The following P2RY10 variants were observed in gnomAD, a reference collection of about 807,000 sequenced individuals.
P2RY10 encodes P2Y receptor family member 10.
Under a neutral mutation model 12.1 loss-of-function variants are expected in P2RY10, and 4 were observed. The ratio of observed to expected loss-of-function variants is 0.33; its 90% confidence interval spans 0.16 to 0.76. P2RY10 has a LOEUF of 0.76. Among genes scored for constraint, P2RY10 ranks in the 30% least tolerant of loss-of-function variants. The pLI is 0.61. For missense variants in P2RY10, 233 were observed against 264.6 expected (o/e 0.88, Z 0.83); for synonymous variants, 112 against 94.1 (o/e 1.19, Z -1.10).
At chrX:78,957,885 G>C (rs1387235956) in intron 3 of P2RY10, among the ~76,000 whole-genome samples, 4 of 112,480 alleles carry the variant, frequency 3.6e-5, no homozygotes, top group Non-Finnish European at 5.6e-5. Context: ...TGCCCATTTT[G>C]TAAGTGAAAC....
At chrX:78,952,015 G>A (rs1246042460) in intron 2 of P2RY10, among the ~76,000 whole-genome samples, 178 bp from the exon 3 acceptor site, 2 of 111,951 alleles carry the variant, frequency 1.8e-5, no homozygotes, top group Non-Finnish European at 3.8e-5. Context: ...AACATGTGGT[G>A]TTTGGTTTTC....
chrX:78,961,355 G>A lies in P2RY10; in HGVS notation c.835G>A (p.Val279Ile), dbSNP rs758623193. The change falls in exon 4 of 4, where the codon GTT becomes ATT. Residue 279 changes from valine to isoleucine, a missense_variant. Coordinates refer to ENST00000171757, the MANE Select transcript of P2RY10 (RefSeq NM_014499.4). ...VKETIISSCP[V>I]VRIALYFHPF... The stretch of plus-strand genomic sequence containing the variant: ...GGAAACCATCATTAGCAGTTGTCCC[G>A]TTGTCCGAATCGCACTGTATTTCCA... The A allele has an allele frequency of 5.8e-6, 7 of 1,209,011 alleles. No individual in the cohort carries two copies. Among genetic ancestry groups the A allele is most frequent in the Admixed American group, 4.4e-5 (2 of 45,652 alleles).
At chrX:78,949,599 A>C (rs1417885896) in intron 2 of P2RY10, among the ~76,000 whole-genome samples, 1 of 112,448 alleles carries the variant, frequency 8.9e-6, no homozygotes. Context: ...TAAATGATTG[A>C]AAGTCCAATA....
intron 3 of P2RY10, among the ~76,000 whole-genome samples, chrX:78,959,691 G>A (rs1254647765): frequency 9.0e-6 from 1 of 111,718 alleles, no homozygotes; most frequent in East Asian, 2.8e-4. Flanking sequence ...GTGCCCACAA[G>A]CATTGCTAGT....
At chrX:78,945,583 G>A (rs966179479) in intron 1 of P2RY10, 88 bp downstream of exon 1, 5 of 111,889 alleles carry the variant, frequency 4.5e-5, no homozygotes, top group African/African-American at 1.6e-4. Flanking sequence ...GTGGATGTGG[G>A]GCCAGTGTCT....
intron 2 of P2RY10, among the ~76,000 whole-genome samples, chrX:78,950,951 A>G (rs1013358810): frequency 8.9e-6 from 1 of 112,047 alleles, no homozygotes; most frequent in Admixed American, 9.5e-5. Flanking sequence ...TCTTACAAAG[A>G]TTAGAGGTAA....
chrX:78,948,559 C>T (rs749359381), intron 2 of P2RY10, among the ~76,000 whole-genome samples: 168 of 111,242 alleles, frequency 1.5e-3, no homozygotes, highest in African/African-American at 5.2e-3. Flanking sequence ...TTAGTGCACC[C>T]ACCACCTCAG....
chrX:78,958,736 A>C (rs1359714374), intron 3 of P2RY10, among the ~76,000 whole-genome samples: 1 of 111,848 alleles, frequency 8.9e-6, no homozygotes, highest in African/African-American at 3.3e-5. Context: ...AGTCCCTTCC[A>C]CCCTCCATTC....
Position 78,963,707 on chromosome X carries a change from T to A in P2RY10, c.*2167T>A, listed in dbSNP as rs1170767554. Reference sequence around the variant, plus strand: ...GGTGAGAGAGAAAAACATAAAAATATAAAAACATTCAAGCAATCGACTATT... The same window carrying A: ...GGTGAGAGAGAAAAACATAAAAATAAAAAAACATTCAAGCAATCGACTATT... On this transcript the variant is annotated 3_prime_UTR_variant, in exon 4 of 4. Transcript: ENST00000171757. 2.7e-5 allele frequency among the ~76,000 whole-genome samples: 3 copies of A among 112,290 alleles called. No individual in the cohort carries two copies. Among genetic ancestry groups the A allele is most frequent in the Admixed American group, 1.9e-4 (2 of 10,603 alleles).
At position 78,947,877 on chromosome X, in the gene P2RY10, CT is replaced by C. The variant is rs769986807; in HGVS notation, c.-157+20del. 1.2e-5 allele frequency: 8 copies of C among 663,248 alleles called. No homozygotes were observed. Among genetic ancestry groups the C allele is most frequent in the East Asian group, 1.6e-4 (1 of 6,237 alleles). The allele number at this position is 663,248 out of a possible 1,213,427, so 54.7% of individuals were successfully genotyped here. On this transcript the variant is annotated intron_variant, in intron 2 of 3. Transcript: ENST00000171757. ...GGCAAATGCTTTGTAAGTAATTTCC[CT>C]TTTTTAAAAATGAGAAAATGCAAGA...
At position 78,960,895 on chromosome X, in the gene P2RY10, G is replaced by A. The variant is rs756005854; in HGVS notation, c.375G>A (p.Thr125=). Residue 125 remains threonine (T), a synonymous_variant, in exon 4 of 4, where the codon ACG becomes ACA. Coordinates refer to ENST00000171757, the MANE Select transcript of P2RY10 (RefSeq NM_014499.4). Reference sequence around the variant, plus strand: ...TGTATGCCAGCATTTGTTTCCTGACGTGCATCAGTCTTCAAAGGTGCTTTT... The same window carrying A: ...TGTATGCCAGCATTTGTTTCCTGACATGCATCAGTCTTCAAAGGTGCTTTT... ...LNMYASICFL[T]CISLQRCFFL... 2 of 1,211,046 alleles carry A rather than the reference G, an allele frequency of 1.7e-6. No homozygotes were observed. Among genetic ancestry groups the A allele is most frequent in the Admixed American group, 2.2e-5 (1 of 45,948 alleles).
At chrX:78,957,357 GACACACAC>G (rs765759888) in intron 3 of P2RY10, among the ~76,000 whole-genome samples, 1 of 57,921 alleles carries the variant, frequency 1.7e-5, no homozygotes, top group African/African-American at 6.8e-5. Context: ...GGAAGAGAAA[GACACACAC>G]ACACACACAC....
chrX:78,950,962 C>G, intron 2 of P2RY10, among the ~76,000 whole-genome samples: 1 of 111,792 alleles, frequency 8.9e-6, no homozygotes, highest in Non-Finnish European at 1.9e-5. Context: ...TTAGAGGTAA[C>G]GTGAATAGCA....
In P2RY10 at chrX:78,960,644, A is replaced by G; in HGVS notation, c.124A>G (p.Ile42Val). Residue 42 changes from isoleucine to valine, a missense_variant, in exon 4 of 4, where the codon ATC becomes GTC. Physicochemically the swap from Ile to Val is conservative, Grantham distance 29. Coordinates refer to ENST00000171757, the MANE Select transcript of P2RY10 (RefSeq NM_014499.4). ...ATACTCCCTCTATGCAACCACCTAT[A>G]TCCTCATATTCATTCCTGGTCTTCT... is the stretch of plus-strand genomic sequence containing the variant. The part of the protein sequence containing the change: ...FQYSLYATTY[I>V]LIFIPGLLAN... 1 of 1,210,881 alleles carries G rather than the reference A, an allele frequency of 8.3e-7. No individual in the cohort carries two copies. The highest frequency in any genetic ancestry group is 2.2e-5 in the Admixed American group (1 of 46,000).
chrX:78,961,574 A>G lies in P2RY10; in HGVS notation c.*34A>G. The G allele has an allele frequency of 9.6e-7, 1 of 1,041,087 alleles. No individual in the cohort carries two copies. Among genetic ancestry groups the G allele is most frequent in the Non-Finnish European group, 1.3e-6 (1 of 762,363 alleles). 85.8% of individuals were successfully genotyped at this position (1,041,087 alleles called of 1,213,427 possible). A position where few individuals can be genotyped will look rare whatever the true frequency, so the allele number is the denominator to read the frequency against. On this transcript the variant is annotated 3_prime_UTR_variant, in exon 4 of 4. Transcript: ENST00000171757. ...TATCTCTTTAATTACGCCTTTGTTT[A>G]CCTACGTTCCTTGTCTTTTTCCAAA...
In P2RY10 at chrX:78,956,871, G is replaced by A. The variant is rs188160042; in HGVS notation, c.-13-3637G>A. On this transcript the variant is annotated intron_variant, in intron 3 of 3. Transcript: ENST00000171757. ...AAAGTGTTTAGCCTGTAAATAAAAG[G>A]CAGCCCTAAATAAGTGGTAGCCATA... 9.7e-4 allele frequency among the ~76,000 whole-genome samples: 108 copies of A among 111,642 alleles called. 1 individual carries two copies. Among genetic ancestry groups the A allele is most frequent in the Admixed American group, 4.1e-3 (43 of 10,518 alleles).
At chrX:78,950,398 G>T (rs1193240702) in intron 2 of P2RY10, among the ~76,000 whole-genome samples, 7 of 111,175 alleles carry the variant, frequency 6.3e-5, no homozygotes, top group Non-Finnish European at 1.3e-4. Flanking sequence ...GAGCGTATCA[G>T]AGCAGCACAA....
intron 3 of P2RY10, among the ~76,000 whole-genome samples, chrX:78,958,371 G>A (rs192318513): frequency 8.9e-6 from 1 of 112,427 alleles, no homozygotes; most frequent in African/African-American, 3.2e-5. Context: ...TAAGCTATGA[G>A]CATGCAAAGG....
In P2RY10 at chrX:78,960,542, A is replaced by G. The variant is rs977168040; in HGVS notation, c.22A>G (p.Thr8Ala). 1 of 1,209,335 alleles carries G rather than the reference A, an allele frequency of 8.3e-7. No individual in the cohort carries two copies. The highest frequency in any genetic ancestry group is 2.2e-5 in the Admixed American group (1 of 45,986). MANLDKY[T>A]ETFKMGSNST... ...ATCCATGGCTAACCTTGACAAATAC[A>G]CTGAAACATTCAAGATGGGTAGCAA... The change falls in exon 4 of 4, where the codon ACT becomes GCT. Residue 8 changes from threonine to alanine, a missense_variant. Physicochemically the swap from Thr to Ala is moderately conservative, Grantham distance 58. Transcript: ENST00000171757.
Sources: gnomAD v4.1 joint callset for allele counts (sites outside exome capture counted in the v4.1 genomes callset) on GRCh38, gnomAD v4.1.1 for gene constraint, MANE v1.5 for transcripts, NCBI Gene and HGNC (gene_info 2026-07-23, HGNC 2026-07-21) for gene names.